Variants in SPAG16 observed in about 807,000 individuals in gnomAD.
SPAG16 encodes the protein sperm associated antigen 16.
A neutral mutation model predicts 80.4 loss-of-function variants in SPAG16; 86 were observed. That is an observed-to-expected ratio of 1.07 (90% CI 0.90 to 1.28). The LOEUF (loss-of-function observed/expected upper bound fraction) is 1.28. Among genes scored for constraint, SPAG16 ranks in the 50% most tolerant of loss-of-function variants. SPAG16 has a pLI of 0.00. For missense variants in SPAG16, 870 were observed against 765.3 expected (o/e 1.14, Z -1.61); for synonymous variants, 294 against 265.9 (o/e 1.11, Z -1.03).
In SPAG16 at chr2:214,285,654, T is replaced by A. The variant is rs573892525; in HGVS notation, c.1721-124486T>A. Among the ~76,000 whole-genome samples, 25 of 152,032 alleles carry A rather than the reference T, an allele frequency of 1.6e-4. No individual in the cohort carries two copies. The East Asian group carries it at 4.6e-3, about 28-fold the overall frequency. Reference sequence around the variant, plus strand: ...CCATCTCTACTAAAAATACAAAAAATTAGCTAGATGTGGTGGTGGGTGCCT... The same window carrying A: ...CCATCTCTACTAAAAATACAAAAAAATAGCTAGATGTGGTGGTGGGTGCCT... On this transcript the variant is annotated intron_variant, in intron 15 of 15. Coordinates refer to ENST00000331683, the MANE Select transcript of SPAG16 (RefSeq NM_024532.5).
chr2:213,366,899 T>A (rs1168563007), intron 8 of SPAG16, among the ~76,000 whole-genome samples: 1 of 152,076 alleles, frequency 6.6e-6, no homozygotes, highest in Non-Finnish European at 1.5e-5. Context: ...TAACTCATCA[T>A]TTACATTAGA....
intron 11 of SPAG16, among the ~76,000 whole-genome samples, chr2:213,914,878 G>A (rs2077876328): frequency 6.6e-6 from 1 of 152,048 alleles, no homozygotes; most frequent in African/African-American, 2.4e-5. Flanking sequence ...ACAGATGCTG[G>A]ATATTAGAAC....
chr2:213,840,893 C>T (rs956837398), intron 10 of SPAG16, among the ~76,000 whole-genome samples: 1 of 152,024 alleles, frequency 6.6e-6, no homozygotes, highest in Non-Finnish European at 1.5e-5. Context: ...GAAACTAAGA[C>T]CATAAGCTAA....
chr2:214,026,510 A>G (rs1367283887), intron 13 of SPAG16, among the ~76,000 whole-genome samples: 1 of 151,604 alleles, frequency 6.6e-6, no homozygotes, highest in Non-Finnish European at 1.5e-5. Context: ...ACACACGTAT[A>G]AGGATATGCC....
chr2:214,336,523 C>G (rs1391116283), intron 15 of SPAG16, among the ~76,000 whole-genome samples: 1 of 151,954 alleles, frequency 6.6e-6, no homozygotes, highest in African/African-American at 2.4e-5. Flanking sequence ...TAGCTTAGAA[C>G]CAGGATAACT....
chr2:214,059,482 A>T (rs2050145174), intron 13 of SPAG16, among the ~76,000 whole-genome samples: 1 of 151,284 alleles, frequency 6.6e-6, no homozygotes, highest in South Asian at 2.1e-4. Context: ...GTTCTAAGTT[A>T]TTTCTTCCAT....
intron 12 of SPAG16, among the ~76,000 whole-genome samples, chr2:214,011,910 A>T (rs1402160608): frequency 6.6e-6 from 1 of 152,144 alleles, no homozygotes; most frequent in Non-Finnish European, 1.5e-5. Context: ...TGCTTCTTAC[A>T]GTTCATATGT....
intron 7 of SPAG16, among the ~76,000 whole-genome samples, chr2:213,351,984 T>A (rs1331672367): frequency 6.6e-6 from 1 of 152,056 alleles, no homozygotes; most frequent in Non-Finnish European, 1.5e-5. Flanking sequence ...CCCATGCTAT[T>A]CTCATGATAA....
intron 9 of SPAG16, among the ~76,000 whole-genome samples, chr2:213,483,225 C>T (rs904402286): frequency 6.6e-6 from 1 of 152,038 alleles, no homozygotes; most frequent in African/African-American, 2.4e-5. Context: ...TGTTTCTAGT[C>T]CTTCACTATA....
intron 10 of SPAG16, among the ~76,000 whole-genome samples, chr2:213,576,561 A>G (rs2060133490): frequency 6.6e-6 from 1 of 152,158 alleles, no homozygotes; most frequent in Non-Finnish European, 1.5e-5. Flanking sequence ...CAGCAAAGAC[A>G]TGGAATCAAC....
intron 13 of SPAG16, among the ~76,000 whole-genome samples, chr2:214,023,747 A>G (rs1449642060): frequency 6.6e-6 from 1 of 151,792 alleles, no homozygotes; most frequent in Non-Finnish European, 1.5e-5. Context: ...AAACCTTTGC[A>G]TACACATCAC....
At chr2:213,853,660 A>G (rs2042787) in intron 10 of SPAG16, among the ~76,000 whole-genome samples, 52,125 of 151,868 alleles carry the variant, frequency 0.34, 9,359 homozygotes, top group South Asian at 0.47. Flanking sequence ...GTTGTGACAG[A>G]GCCTTTATTT....
intron 8 of SPAG16, among the ~76,000 whole-genome samples, chr2:213,371,953 G>A (rs1320421982): frequency 6.6e-6 from 1 of 151,988 alleles, no homozygotes; most frequent in Non-Finnish European, 1.5e-5. Context: ...ATTCTTTATG[G>A]TAGGTCAAAA....
At chr2:213,319,061 T>C (rs1292999538) in intron 5 of SPAG16, among the ~76,000 whole-genome samples, 2 of 151,978 alleles carry the variant, frequency 1.3e-5, no homozygotes. Context: ...ATGCATTAAC[T>C]TGGGGTGAAT....
At chr2:214,392,840 C>G (rs1701169651) in intron 15 of SPAG16, among the ~76,000 whole-genome samples, 1 of 152,074 alleles carries the variant, frequency 6.6e-6, no homozygotes, top group African/African-American at 2.4e-5. Flanking sequence ...AACACTGAAC[C>G]TAGAATTGTG....
intron 13 of SPAG16, among the ~76,000 whole-genome samples, chr2:214,022,956 C>T (rs921139034): frequency 2.0e-5 from 3 of 152,002 alleles, no homozygotes; most frequent in African/African-American, 7.2e-5. Context: ...ACATAGCCTT[C>T]CTTCTTTGCT....
intron 13 of SPAG16, among the ~76,000 whole-genome samples, chr2:214,025,956 T>G (rs1339956372): frequency 1.3e-5 from 2 of 151,604 alleles, no homozygotes; most frequent in African/African-American, 4.8e-5. Context: ...TGTTGTTTAT[T>G]TGACTACCCA....
At chr2:213,917,385 A>G (rs1388306647) in intron 11 of SPAG16, among the ~76,000 whole-genome samples, 1 of 152,160 alleles carries the variant, frequency 6.6e-6, no homozygotes, top group African/African-American at 2.4e-5. Context: ...TTTTAATAAT[A>G]TTGATTCTTC....
chr2:213,683,474 A>C (rs10183895), intron 10 of SPAG16, among the ~76,000 whole-genome samples: 63,071 of 151,786 alleles, frequency 0.42, 14,073 homozygotes, highest in African/African-American at 0.57. Flanking sequence ...TGGCTTGAAC[A>C]CAGGATGCAG....
Sources: allele counts gnomAD v4.1 joint callset (sites outside exome capture counted in the v4.1 genomes callset), GRCh38; gene constraint gnomAD v4.1.1; transcripts MANE v1.5; gene names NCBI Gene and HGNC (gene_info 2026-07-23, HGNC 2026-07-21).